The following OTOL1 variants were observed in gnomAD, a reference collection of about 807,000 sequenced individuals.
The protein encoded by OTOL1 is otolin-1.
OTOL1 carries 31 observed loss-of-function variants against 25.0 expected under a neutral mutation model. The observed-to-expected ratio is 1.24, with a 90% CI of 0.93 to 1.67. The LOEUF (loss-of-function observed/expected upper bound fraction) is 1.67. Ranked by LOEUF, OTOL1 falls within the 40% of genes most tolerant of loss-of-function variation. The pLI is 0.00. For synonymous variants in OTOL1, 225 were observed against 210.3 expected, an observed-to-expected ratio of 1.07 and a Z score of -0.61; for missense variants, 654 against 587.7, an observed-to-expected ratio of 1.11 and a Z score of -1.17.
rs530821755 is a variant in OTOL1, at chr3:161,496,830, G to C, written c.23G>C (p.Cys8Ser). 2.6e-5 allele frequency: 41 copies of C among 1,587,410 alleles called. No individual in the cohort carries two copies. In the East Asian group the frequency reaches 9.0e-4, roughly 35 times the overall value. The stretch of plus-strand genomic sequence containing the variant: ...AATATGTGGATGTTTTCTTGGCTTT[G>C]TGCTATTTTAATTATTTTGGCTATT... MWMFSWLCAILIILAIAG... is the reference protein window; with the variant it reads MWMFSWLSAILIILAIAG... Residue 8 changes from cysteine to serine, a missense_variant, in exon 1 of 4, where the codon TGT becomes TCT. By Grantham distance (112) the Cys-to-Ser change is moderately radical. Transcript: ENST00000327928.
intron 2 of OTOL1, 62 bp from the exon 3 acceptor site, chr3:161,502,245 G>A (rs1718991516): frequency 2.9e-6 from 4 of 1,389,960 alleles, no homozygotes; most frequent in African/African-American, 2.9e-5. Flanking sequence ...GGTTGTGAGA[G>A]GAATATTAAA....
chr3:161,503,286 G>T lies in OTOL1; in HGVS notation c.778G>T (p.Gly260Cys), dbSNP rs1379413674. Reference sequence around the variant, plus strand: ...AGGAAAAGGACAGAAAGGTGAGGGGGGTATGAAAGGGGAAAAAGGTAGCAA... The same window carrying T: ...AGGAAAAGGACAGAAAGGTGAGGGGTGTATGAAAGGGGAAAAAGGTAGCAA... ...RGGKGQKGEG[G>C]MKGEKGSKGD... Residue 260 changes from glycine to cysteine, a missense_variant, in exon 4 of 4, where the codon GGT becomes TGT. Physicochemically the swap from Gly to Cys is radical, Grantham distance 159 (BLOSUM62 -3). Transcript: ENST00000327928. 16 of 1,473,912 alleles carry T rather than the reference G, an allele frequency of 1.1e-5. No homozygotes were observed. The highest frequency in any genetic ancestry group is 1.4e-5 in the Non-Finnish European group (16 of 1,111,314). The allele number at this position is 1,473,912 out of a possible 1,614,324, so 91.3% of individuals were successfully genotyped here.
chr3:161,502,365 A>C lies in OTOL1; in HGVS notation c.513A>C (p.Ala171=), dbSNP rs564277017. The C allele has an allele frequency of 5.0e-6, 8 of 1,612,888 alleles. No homozygotes were observed. Among genetic ancestry groups the C allele is most frequent in the Non-Finnish European group, 6.8e-6 (8 of 1,179,362 alleles). ...CAGGATACCCAGGAAAACCGGGAGC[A>C]CAAGGTAGAGCATGAAATGTATCTA... ...GVPGYPGKPG[A]QGEPGPKGDK... is the part of the protein sequence containing the mutation. Residue 171 remains alanine, a synonymous_variant, in exon 3 of 4, where the codon GCA becomes GCC. Coordinates refer to ENST00000327928, the MANE Select transcript of OTOL1 (RefSeq NM_001080440.1).
chr3:161,502,496 T>C (rs977346697), intron 3 of OTOL1, 127 bp downstream of exon 3: 3 of 816,706 alleles, frequency 3.7e-6, no homozygotes, highest in Non-Finnish European at 5.9e-6. Flanking sequence ...ATTCTTCTAA[T>C]AATTCAGTGT....
Position 161,503,590 on chromosome 3 carries a change from A to G in OTOL1, c.1082A>G (p.Lys361Arg), listed in dbSNP as rs765176011. Residue 361 changes from lysine (K) to arginine (R), a missense_variant, in exon 4 of 4, where the codon AAA (lysine) becomes AGA (arginine). Coordinates refer to ENST00000327928, the MANE Select transcript of OTOL1 (RefSeq NM_001080440.1). ...TTTCCTCCTCCTAACATCCCCATCA[A>G]ATTTGAAAAGATTCTCTATAATGAC... ...KPFPPPNIPIKFEKILYNDQG... is the reference protein window; with the variant it reads ...KPFPPPNIPIRFEKILYNDQG... 12 of 1,613,642 alleles carry G rather than the reference A, an allele frequency of 7.4e-6. No individual in the cohort carries two copies. Among genetic ancestry groups the G allele is most frequent in the Non-Finnish European group, 1.0e-5 (12 of 1,179,842 alleles).
At chr3:161,499,848 A>G (rs1718929695) in intron 2 of OTOL1, among the ~76,000 whole-genome samples, 1 of 152,202 alleles carries the variant, frequency 6.6e-6, no homozygotes, top group Non-Finnish European at 1.5e-5. Context: ...AATTGAAGGA[A>G]ATGAACTAGA....
chr3:161,503,268 G>A lies in OTOL1; in HGVS notation c.760G>A (p.Gly254Arg), dbSNP rs1354918617. The change falls in exon 4 of 4, where the codon GGA (glycine) becomes AGA (arginine). Residue 254 changes from glycine to arginine, a missense_variant. Transcript: ENST00000327928. ...AGATTCTGGGGAGAGGGGAGGAAAA[G>A]GACAGAAAGGTGAGGGGGGTATGAA... The part of the protein sequence containing the change: ...CGDSGERGGK[G>R]QKGEGGMKGE... 2 of 1,419,408 alleles carry A rather than the reference G, an allele frequency of 1.4e-6. No individual in the cohort carries two copies. The highest frequency in any genetic ancestry group is 1.8e-6 in the Non-Finnish European group (2 of 1,081,558). The allele number at this position is 1,419,408 out of a possible 1,614,324, so 87.9% of individuals were successfully genotyped here.
chr3:161,503,919 G>A lies in OTOL1; in HGVS notation c.1411G>A (p.Glu471Lys). The A allele has an allele frequency of 1.2e-6, 2 of 1,611,278 alleles. No individual in the cohort carries two copies. The highest frequency in any genetic ancestry group is 1.7e-5 in the Admixed American group (1 of 59,794). The change falls in exon 4 of 4, where the codon GAA (glutamate) becomes AAA (lysine). Residue 471 changes from glutamate to lysine, a missense_variant. Physicochemically the swap from Glu to Lys is moderately conservative, Grantham distance 56. Transcript: ENST00000327928. Reference sequence around the variant, plus strand: ...TACTGGGTTCCTTTTGTACCCAGAGGAAACTTCTGGAATTTCACCATAAAT... The same window carrying A: ...TACTGGGTTCCTTTTGTACCCAGAGAAAACTTCTGGAATTTCACCATAAAT... ...IFTGFLLYPE[E>K]TSGISP
chr3:161,503,133 G>A lies in OTOL1; in HGVS notation c.625G>A (p.Gly209Arg), dbSNP rs199985412. 1.3e-3 allele frequency: 1,905 copies of A among 1,449,066 alleles called. 1 individual carries two copies. Among genetic ancestry groups the A allele is most frequent in the Non-Finnish European group, 1.6e-3 (1,731 of 1,100,846 alleles). The allele number at this position is 1,449,066 out of a possible 1,614,324, so 89.8% of individuals were successfully genotyped here. A position where few individuals can be genotyped will look rare whatever the true frequency, so the allele number is the denominator to read the frequency against. ...TGGGAATTGTACCAAAGGAGAAAAA[G>A]GAGACCAAGGGGCTATGGGCTCACC... ...TCGNCTKGEK[G>R]DQGAMGSPGL... The change falls in exon 4 of 4, where the codon GGA (glycine) becomes AGA (arginine). Residue 209 changes from glycine (G) to arginine (R), a missense_variant. Physicochemically the swap from Gly to Arg is moderately radical, Grantham distance 125. Transcript: ENST00000327928.
chr3:161,501,348 C>T (rs543245399), intron 2 of OTOL1, among the ~76,000 whole-genome samples: 2 of 152,048 alleles, frequency 1.3e-5, no homozygotes, highest in African/African-American at 2.4e-5. Context: ...TTATTAATAC[C>T]ATTATTATTG....
chr3:161,501,192 C>A (rs990986817), intron 2 of OTOL1, among the ~76,000 whole-genome samples: 18 of 152,094 alleles, frequency 1.2e-4, no homozygotes, highest in African/African-American at 4.3e-4. Flanking sequence ...TAAATGTGTT[C>A]TGCTATATGA....
rs771532987 is a variant in OTOL1 at position 161,502,340 on chromosome 3, CA to C, written c.489del (p.Gly164AspfsTer26). 1.9e-6 allele frequency: 3 copies of C among 1,613,384 alleles called. No individual in the cohort carries two copies. Among genetic ancestry groups the C allele is most frequent in the Non-Finnish European group, 2.5e-6 (3 of 1,179,660 alleles). ...LKGERGDQGV[P>X]GYPGKPGAQG... ...GGAGAACGTGGGGACCAAGGAGTTC[CA>C]GGATACCCAGGAAAACCGGGAGCAC... is the stretch of plus-strand genomic sequence containing the variant. On this transcript the variant is annotated frameshift_variant, in exon 3 of 4. Transcript: ENST00000327928. LOFTEE classifies it low-confidence loss of function (END_TRUNC).
intron 2 of OTOL1, among the ~76,000 whole-genome samples, chr3:161,501,109 A>G (rs1718964567): frequency 2.0e-5 from 3 of 152,328 alleles, no homozygotes; most frequent in Admixed American, 6.5e-5. Flanking sequence ...AAATGATGAC[A>G]AAAATATCTT....
chr3:161,501,644 C>G (rs1470920015), intron 2 of OTOL1, among the ~76,000 whole-genome samples: 1 of 151,610 alleles, frequency 6.6e-6, no homozygotes, highest in Non-Finnish European at 1.5e-5. Context: ...CATTATTTCT[C>G]AGGTGTTGTG....
In OTOL1 at chr3:161,503,222, G is replaced by A. The variant is rs753175554; in HGVS notation, c.714G>A (p.Met238Ile). 5.0e-5 allele frequency: 72 copies of A among 1,451,402 alleles called. No homozygotes were observed. The highest frequency in any genetic ancestry group is 5.7e-5 in the Non-Finnish European group (63 of 1,101,674). 89.9% of individuals were successfully genotyped at this position (1,451,402 alleles called of 1,614,324 possible). Residue 238 changes from methionine (M) to isoleucine (I), a missense_variant, in exon 4 of 4, where the codon ATG becomes ATA. Met to Ile is a conservative substitution (Grantham distance 10). Transcript: ENST00000327928. ...EKGEMGEKGE[M>I]GDKGCCGDSG... ...GGGAGATGGGGGAGAAGGGGGAGATGGGGGATAAGGGCTGCTGTGGAGATT... is the reference window on the plus strand; with the variant it reads ...GGGAGATGGGGGAGAAGGGGGAGATAGGGGATAAGGGCTGCTGTGGAGATT...
intron 2 of OTOL1, among the ~76,000 whole-genome samples, chr3:161,499,697 C>T (rs1257034521): frequency 3.9e-5 from 6 of 152,036 alleles, no homozygotes; most frequent in Non-Finnish European, 8.8e-5. Flanking sequence ...GGATAGTATG[C>T]CTGCTAAGAA....
chr3:161,499,613 C>A (rs956519806), intron 2 of OTOL1, among the ~76,000 whole-genome samples: 1 of 152,046 alleles, frequency 6.6e-6, no homozygotes, highest in African/African-American at 2.4e-5. Context: ...TAGCCTACTT[C>A]CTTTGGATGC....
At chr3:161,499,885 G>A (rs1048799306) in intron 2 of OTOL1, among the ~76,000 whole-genome samples, 3 of 152,074 alleles carry the variant, frequency 2.0e-5, no homozygotes, top group East Asian at 1.9e-4. Flanking sequence ...GTTTACTATC[G>A]AAGAAGATTT....
At chr3:161,500,444 A>T (rs544879650) in intron 2 of OTOL1, among the ~76,000 whole-genome samples, 1 of 152,374 alleles carries the variant, frequency 6.6e-6, no homozygotes, top group South Asian at 2.1e-4. Context: ...AAGGTTCTTA[A>T]GAATACACTT....
Sources: gnomAD v4.1 joint callset for allele counts (sites outside exome capture counted in the v4.1 genomes callset) on GRCh38, gnomAD v4.1.1 for gene constraint, MANE v1.5 for transcripts, NCBI Gene and HGNC (gene_info 2026-07-23, HGNC 2026-07-21) for gene names.